The following ERP44 variants were observed in gnomAD, a reference collection of about 807,000 sequenced individuals.
The protein encoded by ERP44 is endoplasmic reticulum resident protein 44.
Under a neutral mutation model 53.4 loss-of-function variants are expected in ERP44, and 25 were observed. The observed-to-expected ratio is 0.47, with a 90% CI of 0.34 to 0.65. The LOEUF is 0.65. ERP44 is among the 30% of genes least tolerant of loss of function. The pLI, the probability that ERP44 is intolerant of heterozygous loss-of-function variation, is 0.01. For synonymous variants in ERP44, 145 were observed against 161.2 expected (o/e 0.90, Z 0.76); for missense variants, 338 against 493.2 (o/e 0.69, Z 2.98).
intron 10 of ERP44, among the ~76,000 whole-genome samples, chr9:99,989,210 T>C (rs10760710): frequency 0.68 from 102,854 of 152,094 alleles, 36,001 homozygotes; most frequent in East Asian, 0.91. Context: ...TTGAGCTCTG[T>C]GAACAGGCAG....
At position 100,010,915 on chromosome 9, in the gene ERP44, A is replaced by AG. The variant is rs1470905262; in HGVS notation, c.763-3227_763-3226insC. Reference sequence around the variant, plus strand: ...AAACTCCATCTCAAAAAAAAAAAAAAAGAGAAAAGCAAAAAAAAGAAAGCC... The same window carrying AG: ...AAACTCCATCTCAAAAAAAAAAAAAAGAGAGAAAAGCAAAAAAAAGAAAGCC... On this transcript the variant is annotated intron_variant, in intron 8 of 11. Coordinates refer to ENST00000262455, the MANE Select transcript of ERP44 (RefSeq NM_015051.3). Among the ~76,000 whole-genome samples, 19 of 151,616 alleles carry AG rather than the reference A, an allele frequency of 1.3e-4. No individual in the cohort carries two copies. The East Asian group carries it at 3.3e-3, about 26-fold the overall frequency.
Position 100,098,912 on chromosome 9 carries a change from A to C in ERP44, c.-72T>G. The C allele has an allele frequency of 7.6e-7, 1 of 1,318,108 alleles. No individual in the cohort carries two copies. Among genetic ancestry groups the C allele is most frequent in the Non-Finnish European group, 1.1e-6 (1 of 918,426 alleles). The allele number at this position is 1,318,108 out of a possible 1,614,324, so 81.7% of individuals were successfully genotyped here. A position where few individuals can be genotyped will look rare whatever the true frequency, so the allele number is the denominator to read the frequency against. On this transcript the variant is annotated 5_prime_UTR_variant, in exon 1 of 12. Coordinates refer to ENST00000262455, the MANE Select transcript of ERP44 (RefSeq NM_015051.3). ...TGGGCTAGGTTGGGTTGGGTTAGGA[A>C]AGGGCTGGGCTCCGGGAGCCGACGG...
intron 4 of ERP44, among the ~76,000 whole-genome samples, chr9:100,026,096 T>C (rs543475746): frequency 6.6e-6 from 1 of 152,342 alleles, no homozygotes; most frequent in South Asian, 2.1e-4. Flanking sequence ...GTGTAATTTG[T>C]TTTGGAAATT....
intron 8 of ERP44, among the ~76,000 whole-genome samples, chr9:100,009,749 C>T (rs1480928979): frequency 6.6e-6 from 1 of 152,150 alleles, no homozygotes; most frequent in Non-Finnish European, 1.5e-5. Context: ...TTAATATCTC[C>T]ATTTCAAATT....
At chr9:100,025,082 A>C (rs10760712) in intron 4 of ERP44, among the ~76,000 whole-genome samples, 102,644 of 151,998 alleles carry the variant, frequency 0.68, 35,827 homozygotes, top group East Asian at 0.91. Context: ...GGAAACATAG[A>C]AAGACCCCAT....
At chr9:100,072,470 G>A (rs1826315713) in intron 1 of ERP44, among the ~76,000 whole-genome samples, 2 of 152,048 alleles carry the variant, frequency 1.3e-5, no homozygotes, top group South Asian at 2.1e-4. Flanking sequence ...GACAAAGGAA[G>A]AGAACTCATT....
intron 10 of ERP44, among the ~76,000 whole-genome samples, chr9:99,987,076 G>T (rs909381115): frequency 6.6e-6 from 1 of 152,164 alleles, no homozygotes; most frequent in African/African-American, 2.4e-5. Context: ...AGAAATTCAT[G>T]AAAACACTCA....
intron 3 of ERP44, among the ~76,000 whole-genome samples, chr9:100,057,532 T>TA (rs1189338626): frequency 1.3e-5 from 2 of 152,148 alleles, no homozygotes; most frequent in African/African-American, 4.8e-5. Context: ...TCAGGACAAA[T>TA]ACGGAATTGC....
At chr9:99,986,492 A>G (rs1007597198) in intron 10 of ERP44, among the ~76,000 whole-genome samples, 1 of 152,210 alleles carries the variant, frequency 6.6e-6, no homozygotes, top group Non-Finnish European at 1.5e-5. Flanking sequence ...GCAGGTCCAT[A>G]TACACTTTAA....
rs564895169 is a variant in ERP44, at chr9:100,070,715, G to C, written c.58-10543C>G. Reference sequence around the variant, plus strand: ...TTGAACATGATCTCAATTTAATCAAGCCCAAGAAACTAGTGTATAAGAAAC... The same window carrying C: ...TTGAACATGATCTCAATTTAATCAACCCCAAGAAACTAGTGTATAAGAAAC... On this transcript the variant is annotated intron_variant, in intron 1 of 11. Coordinates refer to ENST00000262455, the MANE Select transcript of ERP44 (RefSeq NM_015051.3). Among the ~76,000 whole-genome samples the C allele has an allele frequency of 2.1e-3, 319 of 152,308 alleles. 1 individual carries two copies. Among genetic ancestry groups the C allele is most frequent in the Admixed American group, 6.3e-3 (97 of 15,300 alleles).
intron 4 of ERP44, among the ~76,000 whole-genome samples, chr9:100,043,386 C>T (rs937126275): frequency 8.7e-5 from 13 of 148,778 alleles, no homozygotes; most frequent in Non-Finnish European, 3.0e-5. Context: ...CCGTATGATT[C>T]GATCTCAATC....
At chr9:100,059,801 C>T (rs1826123114) in intron 2 of ERP44, among the ~76,000 whole-genome samples, 1 of 152,124 alleles carries the variant, frequency 6.6e-6, no homozygotes, top group African/African-American at 2.4e-5. Context: ...AAAGTCTAGG[C>T]TGTGTCCTAA....
intron 5 of ERP44, 39 bp downstream of exon 5, chr9:100,022,002 CA>C: frequency 6.4e-7 from 1 of 1,555,182 alleles, no homozygotes; most frequent in Non-Finnish European, 8.8e-7. Flanking sequence ...TTACATTAAT[CA>C]GGGAATGTTT....
chr9:99,998,922 GTCT>G (rs1403190148), intron 10 of ERP44: 10 of 1,596,426 alleles, frequency 6.3e-6, no homozygotes, highest in Non-Finnish European at 7.7e-6. Flanking sequence ...GTTGGCACTG[GTCT>G]TCTCTTCCTC....
chr9:100,007,947 GTC>G (rs1369369794), intron 8 of ERP44, among the ~76,000 whole-genome samples: 2 of 152,200 alleles, frequency 1.3e-5, no homozygotes, highest in Non-Finnish European at 2.9e-5. Context: ...TGCCCCCACT[GTC>G]TGTTAGCCAG....
At chr9:100,079,108 A>G (rs1826391782) in intron 1 of ERP44, among the ~76,000 whole-genome samples, 1 of 152,096 alleles carries the variant, frequency 6.6e-6, no homozygotes, top group East Asian at 1.9e-4. Flanking sequence ...TTGCCAAAGG[A>G]GATTAACATC....
intron 10 of ERP44, among the ~76,000 whole-genome samples, chr9:99,996,714 T>C (rs772098179): frequency 1.3e-5 from 2 of 152,256 alleles, no homozygotes; most frequent in East Asian, 1.9e-4. Context: ...CCAAAGTCCA[T>C]TGTTTTATTC....
At chr9:100,054,400 G>A (rs545368941) in intron 3 of ERP44, among the ~76,000 whole-genome samples, 8 of 152,190 alleles carry the variant, frequency 5.3e-5, no homozygotes, top group South Asian at 2.1e-4. Flanking sequence ...AAGAAAGAGC[G>A]GGCAAGCCTC....
At chr9:100,059,118 C>T (rs573663647) in intron 2 of ERP44, among the ~76,000 whole-genome samples, 2 of 152,246 alleles carry the variant, frequency 1.3e-5, no homozygotes, top group East Asian at 1.9e-4. Flanking sequence ...CTCCATAAGA[C>T]AGGAATAGAC....
Sources: gnomAD v4.1 joint callset for allele counts (sites outside exome capture counted in the v4.1 genomes callset) on GRCh38, gnomAD v4.1.1 for gene constraint, MANE v1.5 for transcripts, NCBI Gene and HGNC (gene_info 2026-07-23, HGNC 2026-07-21) for gene names.